Variants in SWT1 observed in about 807,000 individuals in gnomAD.
SWT1 encodes transcriptional protein SWT1.
Under a neutral mutation model 107.3 loss-of-function variants are expected in SWT1, and 33 were observed. The ratio of observed to expected loss-of-function variants is 0.31; its 90% CI spans 0.23 to 0.41. The LOEUF is 0.41. Ranked by LOEUF, SWT1 falls within the 10% of genes least tolerant of loss-of-function variation. SWT1 has a pLI of 1.00. For missense variants in SWT1, 898 were observed against 1,028.9 expected, an observed-to-expected ratio of 0.87 and a Z score of 1.74; for synonymous variants, 345 against 348.3, an observed-to-expected ratio of 0.99 and a Z score of 0.11.
intron 5 of SWT1, among the ~76,000 whole-genome samples, chr1:185,179,007 G>A (rs1024180403): frequency 3.9e-5 from 6 of 152,202 alleles, no homozygotes; most frequent in East Asian, 3.9e-4. Flanking sequence ...GCAGTGGCTC[G>A]TGCCTATAAT....
intron 10 of SWT1, among the ~76,000 whole-genome samples, chr1:185,193,048 C>G (rs1038474609): frequency 5.9e-5 from 9 of 152,170 alleles, no homozygotes; most frequent in Non-Finnish European, 1.0e-4. Flanking sequence ...CCTCTAAGCA[C>G]TTCTGCAGTT....
intron 16 of SWT1, among the ~76,000 whole-genome samples, chr1:185,242,295 C>T (rs1219218272): frequency 2.0e-5 from 3 of 152,042 alleles, no homozygotes; most frequent in African/African-American, 7.2e-5. Flanking sequence ...GTGGCATTCA[C>T]GTATCAGTCG....
chr1:185,255,033 A>C (rs201034975), intron 16 of SWT1, among the ~76,000 whole-genome samples: 1 of 151,648 alleles, frequency 6.6e-6, no homozygotes, highest in African/African-American at 2.4e-5. Flanking sequence ...TCATTTCGTT[A>C]TGTACCCAGT....
At chr1:185,283,257 TA>T (rs1159751531) in intron 18 of SWT1, among the ~76,000 whole-genome samples, 1 of 152,234 alleles carries the variant, frequency 6.6e-6, no homozygotes, top group African/African-American at 2.4e-5. Context: ...CCTTGGTGCT[TA>T]TATCTGCAAT....
intron 6 of SWT1, 117 bp from the exon 7 acceptor site, chr1:185,181,829 A>G: frequency 9.6e-7 from 1 of 1,041,894 alleles, no homozygotes; most frequent in Non-Finnish European, 1.4e-6. Context: ...AGAGTTTTAT[A>G]AAATTTTTTC....
In SWT1 at chr1:185,289,451, C is replaced by T. The variant is rs1665126624; in HGVS notation, c.2574-1223C>T. 2.0e-5 allele frequency among the ~76,000 whole-genome samples: 3 copies of T among 152,100 alleles called. No homozygotes were observed. In the South Asian group the frequency reaches 6.2e-4, roughly 32 times the overall value. ...AGGACCTCTCTTAGTAGGAAATGGGCTTATGTTAAGATGTTTTAATCCAAG... is the reference window on the plus strand; with the variant it reads ...AGGACCTCTCTTAGTAGGAAATGGGTTTATGTTAAGATGTTTTAATCCAAG... On this transcript the variant is annotated intron_variant, in intron 18 of 18. Transcript: ENST00000367500.
At chr1:185,231,527 C>T (rs1358202350) in intron 15 of SWT1, 50 bp from the exon 16 acceptor site, 4 of 1,335,260 alleles carry the variant, frequency 3.0e-6, no homozygotes, top group Non-Finnish European at 4.2e-6. Flanking sequence ...ACTTGAATTA[C>T]ATTAAATATG....
intron 18 of SWT1, among the ~76,000 whole-genome samples, chr1:185,283,402 A>G (rs1008559711): frequency 6.6e-6 from 1 of 152,186 alleles, no homozygotes; most frequent in Non-Finnish European, 1.5e-5. Flanking sequence ...TAAATTAAGG[A>G]GATTATCAAA....
At chr1:185,267,127 G>C (rs1663462530) in intron 16 of SWT1, among the ~76,000 whole-genome samples, 1 of 152,150 alleles carries the variant, frequency 6.6e-6, no homozygotes, top group African/African-American at 2.4e-5. Context: ...TCTTAGGCAA[G>C]TATCTTAAAA....
chr1:185,182,470 C>G (rs1656097485), intron 7 of SWT1, among the ~76,000 whole-genome samples: 1 of 151,900 alleles, frequency 6.6e-6, no homozygotes, highest in Non-Finnish European at 1.5e-5. Flanking sequence ...GAGTTCAAGA[C>G]CAGCCTGGGC....
intron 15 of SWT1, among the ~76,000 whole-genome samples, chr1:185,230,457 C>T (rs1340760964): frequency 6.6e-6 from 1 of 152,164 alleles, no homozygotes; most frequent in African/African-American, 2.4e-5. Flanking sequence ...TCACTCCCAT[C>T]TCTGCCTTTT....
chr1:185,209,813 A>G (rs771035194), intron 13 of SWT1, among the ~76,000 whole-genome samples: 26 of 152,162 alleles, frequency 1.7e-4, no homozygotes, highest in African/African-American at 5.6e-4. Flanking sequence ...GTCTTCCACA[A>G]TGGTTGAACT....
At chr1:185,226,665 C>G in intron 15 of SWT1, 1 of 416,622 alleles carries the variant, frequency 2.4e-6, no homozygotes, top group Non-Finnish European at 4.2e-6. Context: ...ACTACTGATT[C>G]AAATTAAAAC....
At position 185,276,727 on chromosome 1, in the gene SWT1, G is replaced by A. The variant is rs141026783; in HGVS notation, c.2573+59G>A. On this transcript the variant is annotated intron_variant, in intron 18 of 18. Transcript: ENST00000367500. ...GTAACAAGCTTTTCCATATACAGCA[G>A]CACTTGGTGGTGGTGGTGGTGGTGA... is the stretch of plus-strand genomic sequence containing the variant. 6.8e-6 allele frequency: 6 copies of A among 881,004 alleles called. No homozygotes were observed. The Admixed American group carries it at 9.6e-5, about 14-fold the overall frequency. The allele number at this position is 881,004 out of a possible 1,614,324, so 54.6% of individuals were successfully genotyped here.
intron 16 of SWT1, among the ~76,000 whole-genome samples, chr1:185,261,371 A>G (rs1663004624): frequency 6.6e-6 from 1 of 152,144 alleles, no homozygotes; most frequent in Non-Finnish European, 1.5e-5. Context: ...ATTCCATTAT[A>G]TGTGTATACC....
At chr1:185,233,011 G>A (rs1243198028) in intron 16 of SWT1, among the ~76,000 whole-genome samples, 6 of 152,146 alleles carry the variant, frequency 3.9e-5, no homozygotes, top group Non-Finnish European at 7.3e-5. Flanking sequence ...GGTTCTCAAA[G>A]TGTAATCACA....
At chr1:185,274,615 G>T (rs982469632) in intron 17 of SWT1, among the ~76,000 whole-genome samples, 2 of 151,924 alleles carry the variant, frequency 1.3e-5, no homozygotes, top group Non-Finnish European at 2.9e-5. Context: ...GCCTTTTCTT[G>T]AATTTTTTAA....
At chr1:185,189,855 T>C (rs1398026494) in intron 9 of SWT1, among the ~76,000 whole-genome samples, 6 of 145,328 alleles carry the variant, frequency 4.1e-5, no homozygotes, top group Non-Finnish European at 9.1e-5. Flanking sequence ...ACATATATAC[T>C]TTTTTTTTTT....
chr1:185,285,315 C>T (rs909005315), intron 18 of SWT1, among the ~76,000 whole-genome samples: 2 of 152,138 alleles, frequency 1.3e-5, no homozygotes, highest in African/African-American at 4.8e-5. Context: ...ACTAGCACCT[C>T]TCATTTTGCC....
Sources: gnomAD v4.1 joint callset for allele counts (sites outside exome capture counted in the v4.1 genomes callset) on GRCh38, gnomAD v4.1.1 for gene constraint, MANE v1.5 for transcripts, NCBI Gene and HGNC (gene_info 2026-07-23, HGNC 2026-07-21) for gene names.